The following RNGTT variants were observed in gnomAD, a reference collection of about 807,000 sequenced individuals.
RNGTT encodes RNA guanylyltransferase and 5'-phosphatase, also known as mRNA-capping enzyme.
A neutral mutation model predicts 79.3 loss-of-function variants in RNGTT; 33 were observed. The ratio of observed to expected loss-of-function variants is 0.42; its 90% CI spans 0.32 to 0.56. The LOEUF is 0.56. RNGTT is among the 20% of genes least tolerant of loss of function. RNGTT has a pLI of 0.17. For synonymous variants in RNGTT, 222 were observed against 235.9 expected (o/e 0.94, Z 0.54); for missense variants, 497 against 739.1 (o/e 0.67, Z 3.80).
chr6:88,703,897 T>A (rs1287163213), intron 13 of RNGTT, among the ~76,000 whole-genome samples: 1 of 152,124 alleles, frequency 6.6e-6, no homozygotes, highest in Non-Finnish European at 1.5e-5. Flanking sequence ...GGCCTCTTTC[T>A]AATATATCTA....
At chr6:88,753,762 T>C (rs946405064) in intron 13 of RNGTT, among the ~76,000 whole-genome samples, 2 of 151,972 alleles carry the variant, frequency 1.3e-5, no homozygotes, top group Admixed American at 6.5e-5. Flanking sequence ...ACAATATACA[T>C]GATTTTATCT....
At chr6:88,746,678 G>A (rs1032192304) in intron 13 of RNGTT, among the ~76,000 whole-genome samples, 1 of 152,178 alleles carries the variant, frequency 6.6e-6, no homozygotes, top group Non-Finnish European at 1.5e-5. Context: ...TAGAGCTCAG[G>A]TGTTAATGCT....
At position 88,840,873 on chromosome 6, in the gene RNGTT, T is replaced by C. The variant is rs191801297; in HGVS notation, c.1269+3484A>G. Among the ~76,000 whole-genome samples, 5 of 152,336 alleles carry C rather than the reference T, an allele frequency of 3.3e-5. No homozygotes were observed. In the East Asian group the frequency reaches 9.6e-4, roughly 29 times the overall value. The stretch of plus-strand genomic sequence containing the variant: ...TTCTGATATTACACATTAGCAAATA[T>C]TTCTAAGCAGTACTGATTTGACTAA... On this transcript the variant is annotated intron_variant, in intron 11 of 15. Coordinates refer to ENST00000369485, the MANE Select transcript of RNGTT (RefSeq NM_003800.5).
intron 14 of RNGTT, among the ~76,000 whole-genome samples, chr6:88,618,161 C>A (rs977983707): frequency 3.3e-5 from 5 of 152,144 alleles, no homozygotes; most frequent in Non-Finnish European, 7.4e-5. Flanking sequence ...CACTAAAAAT[C>A]TGGTAAACAG....
At chr6:88,861,827 T>C (rs1050339319) in intron 8 of RNGTT, among the ~76,000 whole-genome samples, 2 of 152,170 alleles carry the variant, frequency 1.3e-5, no homozygotes, top group Non-Finnish European at 2.9e-5. Context: ...TTATTCAAAA[T>C]AGTTTTCATA....
At position 88,658,920 on chromosome 6, in the gene RNGTT, C is replaced by A. The variant is rs1454563992; in HGVS notation, c.1506+19433G>T. Among the ~76,000 whole-genome samples the A allele has an allele frequency of 4.6e-5, 7 of 152,368 alleles. No homozygotes were observed. The South Asian group carries it at 6.2e-4, about 14-fold the overall frequency. ...GGCCACAGACTGAAGGCTGCACTGT[C>A]AGCTTCCCTACTTTTGAGGTTTTAG... On this transcript the variant is annotated intron_variant, in intron 14 of 15. Coordinates refer to ENST00000369485, the MANE Select transcript of RNGTT (RefSeq NM_003800.5).
At chr6:88,649,899 G>C (rs1271048756) in intron 14 of RNGTT, among the ~76,000 whole-genome samples, 1 of 152,080 alleles carries the variant, frequency 6.6e-6, no homozygotes, top group Non-Finnish European at 1.5e-5. Context: ...CAAGGAGAGT[G>C]GACCAAGTAA....
chr6:88,738,763 T>G (rs1226256263), intron 13 of RNGTT, among the ~76,000 whole-genome samples: 5 of 152,160 alleles, frequency 3.3e-5, no homozygotes, highest in African/African-American at 1.2e-4. Context: ...ATATGGGAAC[T>G]TTCTGTTCTA....
rs542071082 is a variant in RNGTT at position 88,613,699 on chromosome 6, T to TG, written c.1630+572dup. On this transcript the variant is annotated intron_variant, in intron 15 of 15. Coordinates refer to ENST00000369485, the MANE Select transcript of RNGTT (RefSeq NM_003800.5). Reference sequence around the variant, plus strand: ...TGCAATCCAGAACAACAACTGCTACTGGTAGTGGTATACCTTATAAACTTC... The same window carrying TG: ...TGCAATCCAGAACAACAACTGCTACTGGGTAGTGGTATACCTTATAAACTTC... Among the ~76,000 whole-genome samples, 201 of 152,370 alleles carry TG rather than the reference T, an allele frequency of 1.3e-3. 1 individual carries two copies. Among genetic ancestry groups the TG allele is most frequent in the African/African-American group, 4.7e-3 (194 of 41,602 alleles).
chr6:88,891,351 A>G (rs1198185196), intron 7 of RNGTT, among the ~76,000 whole-genome samples: 3 of 152,164 alleles, frequency 2.0e-5, no homozygotes, highest in Non-Finnish European at 4.4e-5. Flanking sequence ...AGCAACAGAT[A>G]AGAGCAATGT....
chr6:88,771,315 G>GTGTGTA (rs1303688973), intron 12 of RNGTT, among the ~76,000 whole-genome samples: 1,627 of 61,686 alleles, frequency 0.026, 25 homozygotes, highest in East Asian at 0.037. Flanking sequence ...GTGTGTGTGT[G>GTGTGTA]TATATATATA....
intron 11 of RNGTT, among the ~76,000 whole-genome samples, chr6:88,835,859 G>A (rs930664763): frequency 6.6e-6 from 1 of 151,618 alleles, no homozygotes; most frequent in Non-Finnish European, 1.5e-5. Context: ...AATTAGCCAG[G>A]CACAGTGGTA....
In RNGTT at chr6:88,629,247, CA is replaced by C. The variant is rs1772754057; in HGVS notation, c.1507-14853del. Among the ~76,000 whole-genome samples the C allele has an allele frequency of 2.0e-5, 3 of 152,264 alleles. No individual in the cohort carries two copies. The East Asian group carries it at 5.8e-4, about 29-fold the overall frequency. ...ATATACAAAAATTTTACTGATTTAT[CA>C]GCATTATTTACATTTTTAGCAGGCT... On this transcript the variant is annotated intron_variant, in intron 14 of 15. Transcript: ENST00000369485.
chr6:88,704,087 G>A (rs1424202695), intron 13 of RNGTT, among the ~76,000 whole-genome samples: 1 of 151,546 alleles, frequency 6.6e-6, no homozygotes, highest in Admixed American at 6.6e-5. Context: ...GTGAAACTCC[G>A]ACTCTACTAA....
intron 14 of RNGTT, among the ~76,000 whole-genome samples, chr6:88,666,813 C>T (rs535207908): frequency 1.3e-5 from 2 of 152,264 alleles, no homozygotes; most frequent in East Asian, 1.9e-4. Flanking sequence ...CAGGGAACTT[C>T]AGCCCAGAAG....
intron 14 of RNGTT, among the ~76,000 whole-genome samples, chr6:88,643,312 A>G (rs988325957): frequency 6.6e-6 from 1 of 152,192 alleles, no homozygotes; most frequent in Admixed American, 6.5e-5. Flanking sequence ...AAGGGAAAGA[A>G]CGATTGTATG....
intron 13 of RNGTT, among the ~76,000 whole-genome samples, chr6:88,721,285 T>C (rs1582380826): frequency 1.3e-5 from 2 of 152,114 alleles, no homozygotes; most frequent in South Asian, 4.1e-4. Flanking sequence ...TACTGATACA[T>C]TCCTGTCAAA....
At chr6:88,936,786 G>A (rs1236040181) in intron 2 of RNGTT, among the ~76,000 whole-genome samples, 3 of 152,200 alleles carry the variant, frequency 2.0e-5, no homozygotes, top group Non-Finnish European at 4.4e-5. Context: ...GAATGAGTTA[G>A]AATTCCCTCC....
At chr6:88,844,545 A>C in intron 10 of RNGTT, 24 bp from the exon 11 acceptor site, 1 of 1,587,582 alleles carries the variant, frequency 6.3e-7, no homozygotes, top group Non-Finnish European at 8.6e-7. Flanking sequence ...AGAATTAGTT[A>C]AATTTCAACA....
Sources: allele counts gnomAD v4.1 joint callset (sites outside exome capture counted in the v4.1 genomes callset), GRCh38; gene constraint gnomAD v4.1.1; transcripts MANE v1.5; gene names NCBI Gene and HGNC (gene_info 2026-07-23, HGNC 2026-07-21).